Variants in FOXP4 observed in about 807,000 individuals in gnomAD.
FOXP4 encodes forkhead box protein P4.
In FOXP4, 25 loss-of-function variants were observed where a neutral mutation model predicts 82.6. That is an observed-to-expected ratio of 0.30 (90% confidence interval 0.22 to 0.42). The LOEUF (loss-of-function observed/expected upper bound fraction) is 0.42, where lower values mean the gene tolerates loss of function less well. Among genes scored for constraint, FOXP4 ranks in the 10% least tolerant of loss-of-function variants. The probability of loss-of-function intolerance (pLI) is 1.00; values close to 1 mark genes in which losing one functional copy is unlikely to be tolerated. For missense variants in FOXP4, 785 were observed against 900.9 expected (o/e 0.87, Z 1.65); for synonymous variants, 415 against 388.2 (o/e 1.07, Z -0.81).
chr6:41,588,713 G>A lies in FOXP4; in HGVS notation c.1047G>A (p.Val349=), dbSNP rs373082122. 9 of 1,613,692 alleles carry A rather than the reference G, an allele frequency of 5.6e-6. No individual in the cohort carries two copies. The African/African-American group carries it at 1.2e-4, about 22-fold the overall frequency. Residue 349 remains valine, a synonymous_variant, in exon 9 of 17, where the codon GTG becomes GTA. Coordinates refer to ENST00000307972, the MANE Select transcript of FOXP4 (RefSeq NM_001012426.2). Reference sequence around the variant, plus strand: ...AGTGCCGGGTACAGATGCAGGTGGTGCAGCAGCTGGAGATCCAGGTGTGGC... The same window carrying A: ...AGTGCCGGGTACAGATGCAGGTGGTACAGCAGCTGGAGATCCAGGTGTGGC... ...TAQCRVQMQV[V]QQLEIQLAKE... is the part of the protein sequence containing the mutation.
In FOXP4 at chr6:41,599,051, C is replaced by G; in HGVS notation, c.*115C>G. On this transcript the variant is annotated 3_prime_UTR_variant, in exon 17 of 17. Transcript: ENST00000307972. The stretch of plus-strand genomic sequence containing the variant: ...CCTCAAGGCAAGTCCAGGACTCAGA[C>G]CGGGGAGGCCCGGGCCAGCAGCTCC... 8 of 1,356,948 alleles carry G rather than the reference C, an allele frequency of 5.9e-6. No individual in the cohort carries two copies. The highest frequency in any genetic ancestry group is 6.9e-6 in the Non-Finnish European group (7 of 1,017,350). The allele number at this position is 1,356,948 out of a possible 1,614,324, so 84.1% of individuals were successfully genotyped here. A position where few individuals can be genotyped will look rare whatever the true frequency, so the allele number is the denominator to read the frequency against.
rs569630434 is a variant in FOXP4 at position 41,594,959 on chromosome 6, G to A, written c.1626G>A (p.Glu542=). 5.6e-6 allele frequency: 9 copies of A among 1,614,174 alleles called. No homozygotes were observed. The African/African-American group carries it at 1.2e-4, about 22-fold the overall frequency. The change falls in exon 14 of 17, where the codon GAG becomes GAA. Residue 542 remains glutamate (E), a synonymous_variant. Transcript: ENST00000307972. ...KGAVWTVDER[E]YQKRRPPKMT... ...CCGTGTGGACTGTGGACGAGCGGGA[G>A]TATCAGAAGCGGAGACCGCCAAAGA... is the stretch of plus-strand genomic sequence containing the variant.
chr6:41,587,891 T>G lies in FOXP4; in HGVS notation c.971T>G (p.Phe324Cys). ...ACCCTGTGTGAAGACCTGGGCCAGTTTATCAAGTAGGTGTCACCCCCAGCC... is the reference window on the plus strand; with the variant it reads ...ACCCTGTGTGAAGACCTGGGCCAGTGTATCAAGTAGGTGTCACCCCCAGCC... Reference protein sequence around the residue: ...CETLCEDLGQFIKHLNTEHAL... With the variant: ...CETLCEDLGQCIKHLNTEHAL... The change falls in exon 8 of 17, where the codon TTT (phenylalanine) becomes TGT (cysteine). Residue 324 changes from phenylalanine to cysteine, a missense_variant. Phe to Cys is a radical substitution (Grantham distance 205). Coordinates refer to ENST00000307972, the MANE Select transcript of FOXP4 (RefSeq NM_001012426.2). The G allele has an allele frequency of 6.4e-7, 1 of 1,553,738 alleles. No individual in the cohort carries two copies. Among genetic ancestry groups the G allele is most frequent in the Non-Finnish European group, 8.7e-7 (1 of 1,146,918 alleles).
chr6:41,571,123 C>T (rs1050712070), intron 2 of FOXP4, among the ~76,000 whole-genome samples: 4 of 152,166 alleles, frequency 2.6e-5, no homozygotes, highest in Admixed American at 1.3e-4. Context: ...AAAGTGATCA[C>T]GGGAACTTTT....
chr6:41,560,978 C>T (rs537802862), intron 1 of FOXP4, among the ~76,000 whole-genome samples: 1 of 152,334 alleles, frequency 6.6e-6, no homozygotes, highest in African/African-American at 2.4e-5. Context: ...GAACTCGTCA[C>T]TTCCGGCCAG....
chr6:41,578,826 C>T (rs1765643108), intron 3 of FOXP4, among the ~76,000 whole-genome samples: 1 of 152,084 alleles, frequency 6.6e-6, no homozygotes, highest in Non-Finnish European at 1.5e-5. Flanking sequence ...CACTCCCCTC[C>T]CCCTCTGCCC....
intron 1 of FOXP4, among the ~76,000 whole-genome samples, chr6:41,551,104 A>G (rs1185711386): frequency 6.6e-6 from 1 of 152,014 alleles, no homozygotes; most frequent in African/African-American, 2.4e-5. Flanking sequence ...CACAGCGGGA[A>G]CCCTCTTTCC....
rs112833994 is a variant in FOXP4 at position 41,597,244 on chromosome 6, T to A, written c.1725+2T>A. 6.2e-7 allele frequency: 1 copy of A among 1,614,042 alleles called. No homozygotes were observed. The highest frequency in any genetic ancestry group is 8.5e-7 in the Non-Finnish European group (1 of 1,179,990). On this transcript the variant is annotated splice_donor_variant, in intron 15 of 16. Transcript: ENST00000307972. LOFTEE classifies it high-confidence loss of function. Reference sequence around the variant, plus strand: ...GGAGCACTTAATGCCAGCTACCAGGTGACCTGCCCAGAGCCCACCCACTCA... The same window carrying A: ...GGAGCACTTAATGCCAGCTACCAGGAGACCTGCCCAGAGCCCACCCACTCA...
intron 4 of FOXP4, 41 bp from the exon 5 acceptor site, chr6:41,585,390 A>T (rs1278464136): frequency 6.3e-7 from 1 of 1,599,856 alleles, no homozygotes; most frequent in Admixed American, 1.7e-5. Flanking sequence ...TTGTGGGGAT[A>T]GCAGTACCCT....
chr6:41,594,732 C>T lies in FOXP4; in HGVS notation c.1537-138C>T, dbSNP rs920658875. 10 of 1,350,404 alleles carry T rather than the reference C, an allele frequency of 7.4e-6. No individual in the cohort carries two copies. The East Asian group carries it at 2.3e-4, about 31-fold the overall frequency. The allele number at this position is 1,350,404 out of a possible 1,614,324, so 83.7% of individuals were successfully genotyped here. On this transcript the variant is annotated intron_variant, in intron 13 of 16. Coordinates refer to ENST00000307972, the MANE Select transcript of FOXP4 (RefSeq NM_001012426.2). ...TCCCTTTGGCTGGGTCTCCTCCCAG[C>T]CCACCCCCCTCCCCTGCTCATCCCT...
chr6:41,549,443 G>A (rs1763871988), intron 1 of FOXP4, among the ~76,000 whole-genome samples: 1 of 152,054 alleles, frequency 6.6e-6, no homozygotes, highest in Non-Finnish European at 1.5e-5. Context: ...TGCCTTTAGA[G>A]CCGAAAACTT....
chr6:41,592,077 A>T (rs1766549044), intron 13 of FOXP4, among the ~76,000 whole-genome samples: 1 of 151,996 alleles, frequency 6.6e-6, no homozygotes. Flanking sequence ...GGGAAGAAGG[A>T]GAGAGTGTTC....
At chr6:41,559,988 TC>T (rs1164216190) in intron 1 of FOXP4, among the ~76,000 whole-genome samples, 1 of 152,230 alleles carries the variant, frequency 6.6e-6, no homozygotes, top group Non-Finnish European at 1.5e-5. Flanking sequence ...CATCTTCTAC[TC>T]CGTGCTATTG....
intron 1 of FOXP4, 61 bp downstream of exon 1, chr6:41,546,928 C>G (rs958833806): frequency 6.6e-6 from 1 of 151,166 alleles, no homozygotes; most frequent in Non-Finnish European, 1.5e-5. Context: ...CAGACCAACT[C>G]CCTCGCTCGC....
At chr6:41,580,281 G>A (rs1765725094) in intron 3 of FOXP4, among the ~76,000 whole-genome samples, 1 of 152,138 alleles carries the variant, frequency 6.6e-6, no homozygotes, top group Non-Finnish European at 1.5e-5. Flanking sequence ...TCTCCATGTT[G>A]GTCAGGCTGG....
At chr6:41,585,094 C>G (rs1356373226) in intron 4 of FOXP4, among the ~76,000 whole-genome samples, 1 of 152,290 alleles carries the variant, frequency 6.6e-6, no homozygotes, top group African/African-American at 2.4e-5. Flanking sequence ...CACAATACTC[C>G]CCGGTCCTCC....
At position 41,591,300 on chromosome 6, in the gene FOXP4, G is replaced by A; in HGVS notation, c.1514G>A (p.Arg505His). 6.2e-7 allele frequency: 1 copy of A among 1,604,778 alleles called. No individual in the cohort carries two copies. Among genetic ancestry groups the A allele is most frequent in the Non-Finnish European group, 8.5e-7 (1 of 1,175,458 alleles). The part of the protein sequence containing the change: ...NWFTRMFAYF[R>H]RNTATWKNAV... ...TTCACCAGGATGTTCGCCTATTTCC[G>A]CAGAAACACTGCCACCTGGAAGGTG... The change falls in exon 13 of 17, where the codon CGC (arginine) becomes CAC (histidine). Residue 505 changes from arginine (R) to histidine (H), a missense_variant. This residue lies in a region of FOXP4 where 31 missense variants were observed against 79.6 expected (regional missense o/e 0.39). Coordinates refer to ENST00000307972, the MANE Select transcript of FOXP4 (RefSeq NM_001012426.2). The surrounding 1 kb of genome is among the most constrained non-coding windows in gnomAD (Gnocchi z 4.2).
intron 2 of FOXP4, 91 bp downstream of exon 2, chr6:41,566,055 C>G: frequency 7.4e-7 from 1 of 1,343,458 alleles, no homozygotes; most frequent in Non-Finnish European, 1.0e-6. Flanking sequence ...GCACCACTCC[C>G]TGCCAGGCAG....
At chr6:41,581,905 T>C (rs1261663609) in intron 3 of FOXP4, among the ~76,000 whole-genome samples, 1 of 152,194 alleles carries the variant, frequency 6.6e-6, no homozygotes, top group Non-Finnish European at 1.5e-5. Context: ...TTTCACATGC[T>C]CCTGTCAGTG....
Sources: gnomAD v4.1 joint callset for allele counts (sites outside exome capture counted in the v4.1 genomes callset) on GRCh38, gnomAD v4.1.1 for gene constraint, gnomAD v4.1.1 regional missense constraint, Gnocchi (gnomAD v3.1) non-coding constraint, MANE v1.5 for transcripts, NCBI Gene and HGNC (gene_info 2026-07-23, HGNC 2026-07-21) for gene names.